Variants in RBFOX1 observed in about 807,000 individuals in gnomAD.
RBFOX1 encodes the protein RNA binding protein fox-1 homolog 1.
RBFOX1 carries 8 observed loss-of-function variants against 57.7 expected under a neutral mutation model. The observed-to-expected ratio is 0.14, with a 90% CI of 0.08 to 0.25. The LOEUF (loss-of-function observed/expected upper bound fraction) is 0.25, where lower values mean the gene tolerates loss of function less well. Ranked by LOEUF, RBFOX1 falls within the 10% of genes least tolerant of loss-of-function variation. The pLI, the probability that RBFOX1 is intolerant of heterozygous loss-of-function variation, is 1.00. For synonymous variants in RBFOX1, 326 were observed against 222.4 expected, an observed-to-expected ratio of 1.47 and a Z score of -4.15; for missense variants, 611 against 548.5, an observed-to-expected ratio of 1.11 and a Z score of -1.14.
chr16:7,021,420 A>G (rs942643543), intron 3 of RBFOX1, among the ~76,000 whole-genome samples: 3 of 145,022 alleles, frequency 2.1e-5, no homozygotes, highest in African/African-American at 7.5e-5. Flanking sequence ...TATGTTTTTT[A>G]TATATTTGTA....
At chr16:7,259,577 A>T (rs1340291570) in intron 4 of RBFOX1, among the ~76,000 whole-genome samples, 2 of 151,846 alleles carry the variant, frequency 1.3e-5, no homozygotes, top group Non-Finnish European at 2.9e-5. Flanking sequence ...AAAAAAAAGG[A>T]TTAAGATAAA....
chr16:6,303,884 T>C (rs994928226), intron 1 of RBFOX1, among the ~76,000 whole-genome samples: 1 of 137,666 alleles, frequency 7.3e-6, no homozygotes, highest in Non-Finnish European at 1.5e-5. Context: ...CTATCTCAGC[T>C]CACTGCAACC....
intron 4 of RBFOX1, among the ~76,000 whole-genome samples, chr16:7,324,664 C>A (rs1318594455): frequency 6.6e-6 from 1 of 152,164 alleles, no homozygotes; most frequent in Non-Finnish European, 1.5e-5. Flanking sequence ...GCTTAATGAA[C>A]CAAGAGGAGC....
chr16:5,749,397 A>T (rs142801908), intron 3 of RBFOX1, among the ~76,000 whole-genome samples: 1 of 151,934 alleles, frequency 6.6e-6, no homozygotes. Context: ...TATTTCCTGA[A>T]TTTGAATGTT....
intron 4 of RBFOX1, among the ~76,000 whole-genome samples, chr16:7,201,660 C>T (rs997377567): frequency 1.3e-5 from 2 of 152,152 alleles, no homozygotes; most frequent in East Asian, 1.9e-4. Context: ...GATATGGTTT[C>T]ACCTTGTTGG....
rs372181420 is a variant in RBFOX1, at chr16:7,110,170, C to T, written c.27+58072C>T. Among the ~76,000 whole-genome samples the T allele has an allele frequency of 4.4e-4, 60 of 136,248 alleles. 1 individual carries two copies. In the South Asian group the frequency reaches 9.1e-3, roughly 21 times the overall value. 89.4% of individuals were successfully genotyped at this position (136,248 alleles called of 152,430 possible). On this transcript the variant is annotated intron_variant, in intron 4 of 15. Coordinates refer to ENST00000550418, the MANE Select transcript of RBFOX1 (RefSeq NM_018723.4). ...TGTGAGACCAGCCTGGGCAACATAG[C>T]GAGACCCCCCGTGTCTCAAAAAAAA...
chr16:7,022,654 C>A (rs553429621), intron 3 of RBFOX1, among the ~76,000 whole-genome samples: 2 of 151,730 alleles, frequency 1.3e-5, no homozygotes, highest in African/African-American at 4.8e-5. Flanking sequence ...GGCCCATCCC[C>A]GTATAGAGCT....
At chr16:5,434,174 A>G (rs1163839276) in intron 1 of RBFOX1, among the ~76,000 whole-genome samples, 1 of 152,154 alleles carries the variant, frequency 6.6e-6, no homozygotes, top group East Asian at 1.9e-4. Context: ...TTATTGTTGT[A>G]AGAGTAAAAC....
intron 4 of RBFOX1, among the ~76,000 whole-genome samples, chr16:7,059,483 T>C (rs2053572694): frequency 6.6e-6 from 1 of 152,184 alleles, no homozygotes; most frequent in Non-Finnish European, 1.5e-5. Context: ...ACTCTTATTC[T>C]CTTATACCTC....
intron 4 of RBFOX1, among the ~76,000 whole-genome samples, chr16:7,186,258 TTA>T (rs1491238728): frequency 1.5e-5 from 1 of 66,130 alleles, no homozygotes; most frequent in Non-Finnish European, 2.8e-5. Context: ...ATAAACATAT[TTA>T]TATAAACATA....
At chr16:7,380,167 T>A (rs1164754018) in intron 4 of RBFOX1, among the ~76,000 whole-genome samples, 1 of 152,194 alleles carries the variant, frequency 6.6e-6, no homozygotes, top group Non-Finnish European at 1.5e-5. Flanking sequence ...TATTTATGTT[T>A]TGCTGTATAC....
At chr16:5,772,232 C>G (rs956921219) in intron 3 of RBFOX1, among the ~76,000 whole-genome samples, 5 of 152,154 alleles carry the variant, frequency 3.3e-5, no homozygotes, top group Admixed American at 1.3e-4. Context: ...GGGGCAGAGA[C>G]TCACCGGTTG....
chr16:7,244,425 C>G (rs755115107), intron 4 of RBFOX1, among the ~76,000 whole-genome samples: 10 of 152,146 alleles, frequency 6.6e-5, no homozygotes, highest in East Asian at 1.9e-4. Flanking sequence ...CAGCACACAT[C>G]TTTGTCATTT....
At chr16:7,302,374 C>G (rs1215882739) in intron 4 of RBFOX1, among the ~76,000 whole-genome samples, 2 of 152,084 alleles carry the variant, frequency 1.3e-5, no homozygotes, top group Non-Finnish European at 2.9e-5. Flanking sequence ...TTGTGCCTTG[C>G]GAGCTGATGG....
rs561194596 is a variant in RBFOX1, at chr16:6,154,698, G to C, written c.-127+134706G>C. 7.9e-5 allele frequency among the ~76,000 whole-genome samples: 12 copies of C among 152,230 alleles called. No homozygotes were observed. The South Asian group carries it at 2.5e-3, about 32-fold the overall frequency. ...GAATGTCAAAGAAGAAATGGGATGC[G>C]GGTTTGAGCAAAGAAAATATTAGTT... On this transcript the variant is annotated intron_variant, in intron 1 of 15. Transcript: ENST00000550418.
chr16:6,146,103 G>T (rs184369812), intron 1 of RBFOX1, among the ~76,000 whole-genome samples: 1 of 152,098 alleles, frequency 6.6e-6, no homozygotes, highest in African/African-American at 2.4e-5. Context: ...TGCTTACGTA[G>T]CCTGAAGCAC....
intron 2 of RBFOX1, among the ~76,000 whole-genome samples, chr16:5,583,601 G>C (rs60585995): frequency 6.6e-6 from 1 of 152,082 alleles, no homozygotes; most frequent in African/African-American, 2.4e-5. Flanking sequence ...TTCTTTGCTC[G>C]ATTAAACTCC....
chr16:7,383,660 A>T (rs60610043), intron 4 of RBFOX1, among the ~76,000 whole-genome samples: 2,461 of 152,264 alleles, frequency 0.016, 73 homozygotes, highest in African/African-American at 0.056. Context: ...TAAAAATAAG[A>T]TGCAATATTA....
chr16:5,595,037 T>A (rs2047137778), intron 2 of RBFOX1, among the ~76,000 whole-genome samples: 5 of 148,116 alleles, frequency 3.4e-5, no homozygotes, highest in Admixed American at 2.7e-4. Context: ...TCCCAGCTGC[T>A]CAGGAGGCTG....
Sources: gnomAD v4.1 joint callset for allele counts (sites outside exome capture counted in the v4.1 genomes callset) on GRCh38, gnomAD v4.1.1 for gene constraint, MANE v1.5 for transcripts, NCBI Gene and HGNC (gene_info 2026-07-23, HGNC 2026-07-21) for gene names.